UGT1A4: variants seen among roughly 807,000 people sequenced by gnomAD.
UGT1A4 encodes the protein UDP glucuronosyltransferase family 1 member A4, also known as UDP-glucuronosyltransferase 1A4.
In UGT1A4, 32 loss-of-function variants were observed where a neutral mutation model predicts 41.1. The observed-to-expected ratio is 0.78, with a 90% confidence interval of 0.59 to 1.05. The LOEUF (loss-of-function observed/expected upper bound fraction) is 1.05, where lower values mean the gene tolerates loss of function less well. Among genes scored for constraint, UGT1A4 ranks in the 50% least tolerant of loss-of-function variants. The pLI is 0.00. For synonymous variants in UGT1A4, 283 were observed against 265.1 expected (o/e 1.07, Z -0.66); for missense variants, 748 against 677.4 (o/e 1.10, Z -1.16).
intron 2 of UGT1A4, 57 bp from the exon 3 acceptor site, chr2:233,767,792 T>G (rs1011366406): frequency 1.2e-6 from 2 of 1,613,950 alleles, no homozygotes; most frequent in African/African-American, 1.3e-5. Context: ...ATAGCAGATT[T>G]GTTTTCTAAT....
chr2:233,744,098 G>A, intron 1 of UGT1A4: 1 of 409,610 alleles, frequency 2.4e-6, no homozygotes, highest in South Asian at 2.0e-5. Flanking sequence ...AGTGCTTCTG[G>A]GACTGGCCCT....
chr2:233,720,874 T>TTTC (rs1334783084), intron 1 of UGT1A4, among the ~76,000 whole-genome samples: 2 of 147,924 alleles, frequency 1.4e-5, no homozygotes, highest in Non-Finnish European at 3.0e-5. Context: ...CCTGGCAATT[T>TTTC]TTTTTTTTTT....
rs936564729 is a variant in UGT1A4, at chr2:233,733,619, C to T, written c.867+13932C>T. ...GTGATGGATTACATTTATTGATTTG[C>T]ATATGTTGAACCAGCCTTGCATCCC... On this transcript the variant is annotated intron_variant, in intron 1 of 4. Coordinates refer to ENST00000373409, the MANE Select transcript of UGT1A4 (RefSeq NM_007120.3). Among the ~76,000 whole-genome samples, 7 of 152,296 alleles carry T rather than the reference C, an allele frequency of 4.6e-5. No homozygotes were observed. In the Middle Eastern group the frequency reaches 0.014, roughly 296 times the overall value.
At position 233,719,100 on chromosome 2, in the gene UGT1A4, C is replaced by T; in HGVS notation, c.280C>T (p.Leu94=). 6.2e-7 allele frequency: 1 copy of T among 1,614,270 alleles called. No homozygotes were observed. Among genetic ancestry groups the T allele is most frequent in the East Asian group, 2.2e-5 (1 of 44,890 alleles). ...CCAGAAGGAATTTGATCGCGTTACG[C>T]TGGGCTACACTCAAGGGTTCTTTGA... ...WTQKEFDRVT[L]GYTQGFFETE... is the part of the protein sequence containing the mutation. Residue 94 remains leucine (L), a synonymous_variant, in exon 1 of 5, where the codon CTG becomes TTG. Coordinates refer to ENST00000373409, the MANE Select transcript of UGT1A4 (RefSeq NM_007120.3).
At chr2:233,750,988 G>A (rs946459693) in intron 1 of UGT1A4, among the ~76,000 whole-genome samples, 12 of 151,852 alleles carry the variant, frequency 7.9e-5, no homozygotes, top group Non-Finnish European at 1.3e-4. Context: ...GTGAGAAGGC[G>A]GCCACCATCC....
intron 1 of UGT1A4, among the ~76,000 whole-genome samples, chr2:233,744,310 G>A (rs1252338874): frequency 6.6e-6 from 1 of 151,840 alleles, no homozygotes; most frequent in Non-Finnish European, 1.5e-5. Context: ...CAGGAGGGAA[G>A]AGGGTGGTGG....
chr2:233,763,358 T>G (rs1698289277), intron 1 of UGT1A4, among the ~76,000 whole-genome samples: 1 of 152,246 alleles, frequency 6.6e-6, no homozygotes, highest in Admixed American at 6.5e-5. Context: ...TCTTTAGTAC[T>G]CCTTTGTCTT....
intron 1 of UGT1A4, among the ~76,000 whole-genome samples, chr2:233,746,994 GT>G (rs1693533640): frequency 6.6e-6 from 1 of 151,864 alleles, no homozygotes; most frequent in South Asian, 2.1e-4. Flanking sequence ...GGTCAGATGA[GT>G]TTTTCAAGTA....
In UGT1A4 at chr2:233,746,980, G is replaced by A. The variant is rs1162758884; in HGVS notation, c.868-20054G>A. On this transcript the variant is annotated intron_variant, in intron 1 of 4. Transcript: ENST00000373409. Reference sequence around the variant, plus strand: ...AACTTGGATGTTCCCCAGAGCGAGCGCAGGGTCAGATGAGTTTTTCAAGTA... The same window carrying A: ...AACTTGGATGTTCCCCAGAGCGAGCACAGGGTCAGATGAGTTTTTCAAGTA... Among the ~76,000 whole-genome samples, 6 of 151,766 alleles carry A rather than the reference G, an allele frequency of 4.0e-5. 1 individual carries two copies. Among genetic ancestry groups the A allele is most frequent in the African/African-American group, 1.2e-4 (5 of 41,068 alleles).
chr2:233,755,110 C>T, intron 1 of UGT1A4: 1 of 1,333,642 alleles, frequency 7.5e-7, no homozygotes, highest in Non-Finnish European at 1.0e-6. Flanking sequence ...GACAACACCT[C>T]GTAGGCCTCA....
At chr2:233,747,507 C>A in intron 1 of UGT1A4, 2 of 1,608,136 alleles carry the variant, frequency 1.2e-6, no homozygotes, top group South Asian at 2.2e-5. Flanking sequence ...CCACACTCAA[C>A]TGTACTTTGA....
At chr2:233,752,746 AAAACAAACAAAC>A (rs200752387) in intron 1 of UGT1A4, among the ~76,000 whole-genome samples, 1 of 152,190 alleles carries the variant, frequency 6.6e-6, no homozygotes, top group East Asian at 1.9e-4. Flanking sequence ...CCCTGTCTCT[AAAACAAACAAAC>A]AAACAAACAA....
chr2:233,739,455 G>C (rs1296247158), intron 1 of UGT1A4, among the ~76,000 whole-genome samples: 14 of 152,240 alleles, frequency 9.2e-5, no homozygotes, highest in Admixed American at 9.2e-4. Flanking sequence ...CCACAGGGTT[G>C]GAGCTGCCTG....
intron 1 of UGT1A4, chr2:233,760,815 A>G: frequency 6.2e-7 from 1 of 1,613,556 alleles, no homozygotes; most frequent in Non-Finnish European, 8.5e-7. Context: ...ATGCACTGCC[A>G]TGCAGCCTGG....
intron 1 of UGT1A4, among the ~76,000 whole-genome samples, chr2:233,727,486 G>T (rs2077620182): frequency 6.6e-6 from 1 of 152,192 alleles, no homozygotes; most frequent in Non-Finnish European, 1.5e-5. Flanking sequence ...ACTACTTGGA[G>T]GTAGAACATG....
At chr2:233,757,533 GGAA>G in intron 1 of UGT1A4, among the ~76,000 whole-genome samples, 1 of 52,410 alleles carries the variant, frequency 1.9e-5, no homozygotes, top group African/African-American at 1.3e-4. Context: ...TTGCCTGTAA[GGAA>G]TATATATATA....
chr2:233,737,637 G>A (rs1475956364), intron 1 of UGT1A4, among the ~76,000 whole-genome samples: 4 of 152,182 alleles, frequency 2.6e-5, no homozygotes, highest in Admixed American at 6.5e-5. Context: ...CATCTTCTGC[G>A]TCGATCATGC....
chr2:233,728,626 G>A (rs1336617432), intron 1 of UGT1A4, among the ~76,000 whole-genome samples: 2 of 152,180 alleles, frequency 1.3e-5, no homozygotes, highest in Admixed American at 6.5e-5. Flanking sequence ...GAGAAAGCTG[G>A]CTTAGCAATG....
chr2:233,756,673 G>A (rs542273174), intron 1 of UGT1A4, among the ~76,000 whole-genome samples: 1 of 152,146 alleles, frequency 6.6e-6, no homozygotes, highest in Non-Finnish European at 1.5e-5. Flanking sequence ...ATTTCCGCTA[G>A]AACTGCTATA....
Sources: gnomAD v4.1 joint callset for allele counts (sites outside exome capture counted in the v4.1 genomes callset) on GRCh38, gnomAD v4.1.1 for gene constraint, MANE v1.5 for transcripts, NCBI Gene and HGNC (gene_info 2026-07-23, HGNC 2026-07-21) for gene names.